Variants in SGCZ observed in about 807,000 individuals in gnomAD.
The protein encoded by SGCZ is zeta-sarcoglycan.
In SGCZ, 40 loss-of-function variants were observed where a neutral mutation model predicts 41.3. That is an observed-to-expected ratio of 0.97 (90% CI 0.75 to 1.26). The LOEUF is 1.26. Among genes scored for constraint, SGCZ ranks in the 50% most tolerant of loss-of-function variants. The pLI, the probability that SGCZ is intolerant of heterozygous loss-of-function variation, is 0.00. For missense variants in SGCZ, 552 were observed against 369.8 expected (o/e 1.49, Z -4.04); for synonymous variants, 206 against 137.5 (o/e 1.50, Z -3.49).
chr8:15,134,437 T>C (rs1238630697), intron 1 of SGCZ, among the ~76,000 whole-genome samples: 1 of 152,082 alleles, frequency 6.6e-6, no homozygotes, highest in Non-Finnish European at 1.5e-5. Context: ...ACTGAGCAAT[T>C]ACAACCTCCA....
chr8:14,610,647 C>G (rs1371066949), intron 1 of SGCZ, among the ~76,000 whole-genome samples: 1 of 152,088 alleles, frequency 6.6e-6, no homozygotes, highest in African/African-American at 2.4e-5. Context: ...TTTGCTTCCC[C>G]TACAGGGTGC....
intron 1 of SGCZ, among the ~76,000 whole-genome samples, chr8:14,680,609 T>C (rs139460122): frequency 6.6e-6 from 1 of 151,984 alleles, no homozygotes. Flanking sequence ...CTCTTATAAA[T>C]ACACTGCATA....
Position 14,554,829 on chromosome 8 carries a change from T to C in SGCZ, c.137A>G (p.Lys46Arg). The C allele has an allele frequency of 6.2e-7, 1 of 1,613,310 alleles. No homozygotes were observed. The highest frequency in any genetic ancestry group is 8.5e-7 in the Non-Finnish European group (1 of 1,179,556). Residue 46 changes from lysine to arginine, a missense_variant, in exon 2 of 8, where the codon AAG (lysine) becomes AGG (arginine). Lys to Arg is a conservative substitution (Grantham distance 26, BLOSUM62 2). Transcript: ENST00000382080. ...LYPVGIYGWR[K>R]RCLYFFVLLL... ...AAGGACAAAGAAGTATAAGCACCTC[T>C]TTCGCCATCCATAAATTCCCACTGG... is the stretch of plus-strand genomic sequence containing the variant.
intron 2 of SGCZ, among the ~76,000 whole-genome samples, chr8:14,345,764 G>A (rs908404392): frequency 7.2e-5 from 11 of 152,076 alleles, no homozygotes; most frequent in Admixed American, 3.3e-4. Context: ...TGACTTCAAT[G>A]GAAAGAAAAT....
chr8:14,970,665 T>C (rs781249526), intron 1 of SGCZ, among the ~76,000 whole-genome samples: 2 of 152,174 alleles, frequency 1.3e-5, no homozygotes, highest in Admixed American at 6.5e-5. Context: ...GACAAATTTA[T>C]CTATCTTTGT....
intron 1 of SGCZ, among the ~76,000 whole-genome samples, chr8:14,670,268 G>A (rs955135043): frequency 5.3e-5 from 8 of 151,904 alleles, no homozygotes; most frequent in African/African-American, 1.9e-4. Flanking sequence ...ACTATGGTTG[G>A]TGATATGAAC....
At chr8:14,740,757 C>T (rs1185856100) in intron 1 of SGCZ, among the ~76,000 whole-genome samples, 1 of 152,010 alleles carries the variant, frequency 6.6e-6, no homozygotes, top group Non-Finnish European at 1.5e-5. Context: ...TCATCTCCCC[C>T]TTTGCCTGGA....
At chr8:14,875,854 A>T (rs1398977115) in intron 1 of SGCZ, among the ~76,000 whole-genome samples, 1 of 152,142 alleles carries the variant, frequency 6.6e-6, no homozygotes, top group Non-Finnish European at 1.5e-5. Context: ...GTTGGTTGAA[A>T]AATGGGGATA....
intron 1 of SGCZ, among the ~76,000 whole-genome samples, chr8:14,883,085 G>T (rs77912737): frequency 0.12 from 18,763 of 151,730 alleles, 1,950 homozygotes; most frequent in African/African-American, 0.29. Flanking sequence ...TTCAAAATGA[G>T]GTAAATTTAC....
intron 1 of SGCZ, among the ~76,000 whole-genome samples, chr8:14,605,428 G>A (rs1464357098): frequency 2.6e-5 from 4 of 151,934 alleles, no homozygotes; most frequent in Non-Finnish European, 5.9e-5. Flanking sequence ...CACTCTTTTA[G>A]TTACTTTAAA....
intron 4 of SGCZ, among the ~76,000 whole-genome samples, chr8:14,227,919 T>C (rs1806427831): frequency 6.6e-6 from 1 of 152,030 alleles, no homozygotes; most frequent in East Asian, 1.9e-4. Flanking sequence ...AGATCATAAG[T>C]AATGGTTTCC....
intron 1 of SGCZ, among the ~76,000 whole-genome samples, chr8:14,874,163 T>G (rs968038603): frequency 2.6e-5 from 4 of 152,144 alleles, no homozygotes; most frequent in Non-Finnish European, 4.4e-5. Flanking sequence ...CTTCTAGTTA[T>G]AAAGAAAAGT....
intron 1 of SGCZ, among the ~76,000 whole-genome samples, chr8:14,866,011 G>A (rs911391547): frequency 3.9e-5 from 6 of 152,026 alleles, no homozygotes; most frequent in African/African-American, 1.4e-4. Context: ...AATGATTTAA[G>A]GTGTTAGTTT....
chr8:14,245,877 C>G (rs1019512542), intron 3 of SGCZ, among the ~76,000 whole-genome samples: 20 of 152,126 alleles, frequency 1.3e-4, no homozygotes, highest in African/African-American at 4.8e-4. Flanking sequence ...CAGAGAAATG[C>G]AAATCAAAAC....
At chr8:14,434,450 G>T (rs755364316) in intron 2 of SGCZ, among the ~76,000 whole-genome samples, 1 of 152,108 alleles carries the variant, frequency 6.6e-6, no homozygotes, top group Non-Finnish European at 1.5e-5. Context: ...GACCATGTCG[G>T]CTGTTTTTGG....
At chr8:14,377,980 C>A (rs899207065) in intron 2 of SGCZ, among the ~76,000 whole-genome samples, 11 of 149,862 alleles carry the variant, frequency 7.3e-5, no homozygotes, top group Non-Finnish European at 1.5e-4. Context: ...AATAGTGCCG[C>A]AATAAACATA....
chr8:14,437,297 A>C (rs771724603), intron 2 of SGCZ, among the ~76,000 whole-genome samples: 2 of 152,158 alleles, frequency 1.3e-5, no homozygotes, highest in African/African-American at 2.4e-5. Flanking sequence ...ACCACATTGA[A>C]AGAAAACTTT....
At chr8:14,210,875 A>G (rs748391409) in intron 4 of SGCZ, among the ~76,000 whole-genome samples, 2 of 152,196 alleles carry the variant, frequency 1.3e-5, no homozygotes, top group African/African-American at 2.4e-5. Flanking sequence ...AAATGCCTAG[A>G]CCATTGCAAT....
At chr8:14,965,273 A>T (rs142340351) in intron 1 of SGCZ, among the ~76,000 whole-genome samples, 2 of 152,108 alleles carry the variant, frequency 1.3e-5, no homozygotes, top group Non-Finnish European at 2.9e-5. Context: ...GGTCCAGTCA[A>T]ACTGGTAGGT....
Sources: gnomAD v4.1 joint callset for allele counts (sites outside exome capture counted in the v4.1 genomes callset) on GRCh38, gnomAD v4.1.1 for gene constraint, MANE v1.5 for transcripts, NCBI Gene and HGNC (gene_info 2026-07-23, HGNC 2026-07-21) for gene names.